PRKCB: variants seen among roughly 807,000 people sequenced by gnomAD.
The protein encoded by PRKCB is protein kinase C beta, also known as protein kinase C beta type.
A neutral mutation model predicts 81.5 loss-of-function variants in PRKCB; 13 were observed. That is an observed-to-expected ratio of 0.16 (90% confidence interval 0.10 to 0.25). PRKCB has a LOEUF of 0.25. PRKCB is among the 10% of genes least tolerant of loss of function. The probability of loss-of-function intolerance (pLI) is 1.00; values close to 1 mark genes in which losing one functional copy is unlikely to be tolerated. For synonymous variants in PRKCB, 335 were observed against 321.4 expected, an observed-to-expected ratio of 1.04 and a Z score of -0.45; for missense variants, 509 against 875.7, an observed-to-expected ratio of 0.58 and a Z score of 5.29.
chr16:23,961,423 C>T (rs1281071777), intron 2 of PRKCB, among the ~76,000 whole-genome samples: 1 of 152,188 alleles, frequency 6.6e-6, no homozygotes, highest in Non-Finnish European at 1.5e-5. Context: ...TTCAGCTTTC[C>T]TCTGTATTGC....
At position 24,074,134 on chromosome 16, in the gene PRKCB, C is replaced by CA. The variant is rs879766378; in HGVS notation, c.530-18644dup. 4.9e-3 allele frequency among the ~76,000 whole-genome samples: 636 copies of CA among 130,324 alleles called. 6 individuals are homozygous for CA. The highest frequency in any genetic ancestry group is 0.013 in the African/African-American group (471 of 35,180). 85.5% of individuals were successfully genotyped at this position (130,324 alleles called of 152,430 possible). A position where few individuals can be genotyped will look rare whatever the true frequency, so the allele number is the denominator to read the frequency against. On this transcript the variant is annotated intron_variant, in intron 5 of 16. Transcript: ENST00000643927. ...TGGGTGACAGAGCAAGACTCCATCT[C>CA]AAAAAAAAAAAAAGAAGAGCAAGTG...
chr16:23,968,803 T>C (rs1056768016), intron 2 of PRKCB, among the ~76,000 whole-genome samples: 3 of 152,192 alleles, frequency 2.0e-5, no homozygotes, highest in African/African-American at 7.2e-5. Flanking sequence ...GGGTGGCTCA[T>C]GTACTCTCGA....
chr16:24,190,371 GGGAGGAGGGAAGTT>G (rs1466584611), intron 15 of PRKCB, among the ~76,000 whole-genome samples: 1 of 152,092 alleles, frequency 6.6e-6, no homozygotes, highest in African/African-American at 2.4e-5. Context: ...TTCTTGTTGT[GGGAGGAGGGAAGTT>G]TGAAGATATT....
intron 2 of PRKCB, among the ~76,000 whole-genome samples, chr16:23,857,878 G>A (rs1036839140): frequency 6.6e-6 from 1 of 152,098 alleles, no homozygotes; most frequent in Non-Finnish European, 1.5e-5. Context: ...GTACTCACTC[G>A]GTGACTGGCA....
rs779328021 is a variant in PRKCB, at chr16:24,217,303, T to A, written c.*2487T>A. 3.0e-6 allele frequency: 3 copies of A among 985,348 alleles called. No homozygotes were observed. Among genetic ancestry groups the A allele is most frequent in the East Asian group, 1.1e-4 (1 of 8,822 alleles). The allele number at this position is 985,348 out of a possible 1,614,324, so 61.0% of individuals were successfully genotyped here. ...AAGTCTGTTTTAGAGAAACTTTCCA[T>A]GGAAAGTCAGAATTTCTACCACTTC... On this transcript the variant is annotated 3_prime_UTR_variant, in exon 17 of 17. Transcript: ENST00000643927.
intron 2 of PRKCB, chr16:23,893,731 G>A (rs1028870570): frequency 6.6e-6 from 1 of 152,034 alleles, no homozygotes; most frequent in Non-Finnish European, 1.5e-5. Context: ...ACATTTTACT[G>A]TACCAAATCT....
chr16:23,876,762 T>C (rs897377240), intron 2 of PRKCB, among the ~76,000 whole-genome samples: 7 of 152,124 alleles, frequency 4.6e-5, no homozygotes, highest in African/African-American at 1.7e-4. Context: ...TTCACTGATG[T>C]ATTTGTTCTG....
At chr16:23,903,512 A>C (rs1391880260) in intron 2 of PRKCB, among the ~76,000 whole-genome samples, 1 of 152,106 alleles carries the variant, frequency 6.6e-6, no homozygotes, top group Non-Finnish European at 1.5e-5. Context: ...ATTAGCAAGC[A>C]CATGCCTTGG....
chr16:24,071,888 G>C (rs1195653022), intron 5 of PRKCB, among the ~76,000 whole-genome samples: 1 of 152,134 alleles, frequency 6.6e-6, no homozygotes, highest in Non-Finnish European at 1.5e-5. Context: ...AATGATCACA[G>C]TGGACACATT....
chr16:23,995,923 C>T (rs1964950336), intron 3 of PRKCB, among the ~76,000 whole-genome samples: 1 of 151,848 alleles, frequency 6.6e-6, no homozygotes, highest in Non-Finnish European at 1.5e-5. Context: ...ACTGTAGTCA[C>T]TTTAGGACAT....
intron 3 of PRKCB, among the ~76,000 whole-genome samples, chr16:23,997,948 G>A (rs1433984982): frequency 6.6e-6 from 1 of 152,184 alleles, no homozygotes; most frequent in African/African-American, 2.4e-5. Context: ...GCTAAGGGGG[G>A]TACCCAGATA....
intron 2 of PRKCB, among the ~76,000 whole-genome samples, chr16:23,903,952 T>C (rs1478211072): frequency 6.6e-6 from 1 of 152,230 alleles, no homozygotes. Flanking sequence ...ATTAAATATG[T>C]GTCGACTAAA....
intron 2 of PRKCB, among the ~76,000 whole-genome samples, chr16:23,938,405 A>G (rs1047294757): frequency 1.3e-5 from 2 of 152,244 alleles, no homozygotes; most frequent in Non-Finnish European, 2.9e-5. Context: ...TTAGGAACTT[A>G]AGAATGAAGA....
intron 2 of PRKCB, among the ~76,000 whole-genome samples, chr16:23,875,503 A>ATATAT (rs1567298294): frequency 3.5e-5 from 1 of 28,952 alleles, no homozygotes; most frequent in African/African-American, 2.7e-4. Flanking sequence ...ATATATATAT[A>ATATAT]TATGATGTAT....
intron 7 of PRKCB, among the ~76,000 whole-genome samples, chr16:24,107,907 C>T (rs1333586060): frequency 6.6e-6 from 1 of 152,200 alleles, no homozygotes; most frequent in Non-Finnish European, 1.5e-5. Flanking sequence ...AGATGGTTCA[C>T]AGTCAGGGCA....
chr16:23,942,820 A>G (rs1964155365), intron 2 of PRKCB, among the ~76,000 whole-genome samples: 1 of 152,194 alleles, frequency 6.6e-6, no homozygotes. Flanking sequence ...GAAACTAAGC[A>G]TTGGGTCCCA....
chr16:24,193,731 T>A (rs999790265), intron 16 of PRKCB, among the ~76,000 whole-genome samples: 1 of 151,862 alleles, frequency 6.6e-6, no homozygotes, highest in East Asian at 1.9e-4. Context: ...GCAGATAATA[T>A]GAATGAGGGA....
chr16:24,200,931 A>G (rs573146914), intron 16 of PRKCB, among the ~76,000 whole-genome samples: 40 of 151,978 alleles, frequency 2.6e-4, no homozygotes, highest in Non-Finnish European at 4.4e-4. Context: ...TATTATTATT[A>G]TTGTTATTTT....
chr16:23,879,589 G>T (rs1236901012), intron 2 of PRKCB, among the ~76,000 whole-genome samples: 1 of 139,404 alleles, frequency 7.2e-6, no homozygotes, highest in African/African-American at 2.7e-5. Context: ...CGCCTCCCCA[G>T]TTCAAGTGAT....
Sources: allele counts gnomAD v4.1 joint callset (sites outside exome capture counted in the v4.1 genomes callset), GRCh38; gene constraint gnomAD v4.1.1; transcripts MANE v1.5; gene names NCBI Gene and HGNC (gene_info 2026-07-23, HGNC 2026-07-21).